The following DCC variants were observed in gnomAD, a reference collection of about 807,000 sequenced individuals.
DCC encodes netrin receptor DCC.
A neutral mutation model predicts 172.5 loss-of-function variants in DCC; 58 were observed. That is an observed-to-expected ratio of 0.34 (90% CI 0.27 to 0.42). DCC has a LOEUF of 0.42. Among genes scored for constraint, DCC ranks in the 10% least tolerant of loss-of-function variants. The pLI, the probability that DCC is intolerant of heterozygous loss-of-function variation, is 1.00. For missense variants in DCC, 1,740 were observed against 1,791.0 expected (o/e 0.97, Z 0.51); for synonymous variants, 709 against 644.5 (o/e 1.10, Z -1.52).
At chr18:52,490,118 C>T (rs1204473257) in intron 1 of DCC, among the ~76,000 whole-genome samples, 2 of 152,040 alleles carry the variant, frequency 1.3e-5, no homozygotes, top group South Asian at 4.1e-4. Context: ...GTTAGTAAAG[C>T]ATAAATCATG....
intron 12 of DCC, among the ~76,000 whole-genome samples, chr18:53,261,797 C>T (rs1179517695): frequency 6.6e-6 from 1 of 152,136 alleles, no homozygotes; most frequent in East Asian, 1.9e-4. Flanking sequence ...CTGCGACCGG[C>T]CATTTATGAA....
At chr18:52,864,865 T>C (rs1568154453) in intron 2 of DCC, among the ~76,000 whole-genome samples, 1 of 152,194 alleles carries the variant, frequency 6.6e-6, no homozygotes, top group Admixed American at 6.5e-5. Flanking sequence ...ACTCATCCTT[T>C]TTTTATTTTA....
At chr18:53,023,889 A>G (rs910416783) in intron 5 of DCC, among the ~76,000 whole-genome samples, 14 of 152,114 alleles carry the variant, frequency 9.2e-5, no homozygotes, top group African/African-American at 3.4e-4. Context: ...GATGCCCCAA[A>G]TTCCACTTGA....
intron 1 of DCC, among the ~76,000 whole-genome samples, chr18:52,456,580 G>T (rs573062905): frequency 6.6e-6 from 1 of 152,206 alleles, no homozygotes; most frequent in East Asian, 1.9e-4. Context: ...AAATAAATTT[G>T]ACTTTCATAT....
At chr18:53,083,686 A>C (rs773699826) in intron 7 of DCC, among the ~76,000 whole-genome samples, 1 of 152,196 alleles carries the variant, frequency 6.6e-6, no homozygotes, top group African/African-American at 2.4e-5. Context: ...TTTAGAGAGC[A>C]TCATGTGAAA....
intron 13 of DCC, among the ~76,000 whole-genome samples, chr18:53,318,894 T>C (rs1250428127): frequency 2.0e-5 from 3 of 151,908 alleles, no homozygotes; most frequent in Non-Finnish European, 4.4e-5. Context: ...GGGAAGCCCA[T>C]CAGACTAATA....
At chr18:52,425,507 A>T (rs1987393686) in intron 1 of DCC, among the ~76,000 whole-genome samples, 1 of 152,112 alleles carries the variant, frequency 6.6e-6, no homozygotes, top group African/African-American at 2.4e-5. Context: ...TGCTATCAGC[A>T]CGTTCTATGT....
Position 52,487,240 on chromosome 18 carries a change from T to G in DCC, c.91+146362T>G, listed in dbSNP as rs1318290830. Among the ~76,000 whole-genome samples the G allele has an allele frequency of 1.3e-5, 2 of 152,124 alleles. 1 individual carries two copies. Among genetic ancestry groups the G allele is most frequent in the South Asian group, 4.1e-4 (2 of 4,824 alleles). Reference sequence around the variant, plus strand: ...AATCAATAGTATCACAACCAGTGACTAAGAAATATAAAGGGCACCTCATTA... The same window carrying G: ...AATCAATAGTATCACAACCAGTGACGAAGAAATATAAAGGGCACCTCATTA... On this transcript the variant is annotated intron_variant, in intron 1 of 28. Transcript: ENST00000442544.
At chr18:53,516,455 C>G (rs1207271553) in intron 27 of DCC, among the ~76,000 whole-genome samples, 1 of 146,614 alleles carries the variant, frequency 6.8e-6, no homozygotes. Context: ...CAAATGGGAT[C>G]TAATTAAACT....
At chr18:52,398,185 A>G (rs547006814) in intron 1 of DCC, among the ~76,000 whole-genome samples, 1 of 152,090 alleles carries the variant, frequency 6.6e-6, no homozygotes, top group South Asian at 2.1e-4. Context: ...TTGTGGGTGG[A>G]GGATTTCACA....
intron 2 of DCC, among the ~76,000 whole-genome samples, chr18:52,804,192 C>A (rs924176398): frequency 6.6e-6 from 1 of 152,192 alleles, no homozygotes. Context: ...TTATATCTTA[C>A]CATGTGTCAC....
chr18:52,387,484 G>C (rs1308826378), intron 1 of DCC, among the ~76,000 whole-genome samples: 1 of 152,082 alleles, frequency 6.6e-6, no homozygotes, highest in African/African-American at 2.4e-5. Flanking sequence ...TATGTGTTTG[G>C]ACAGAGCTAC....
chr18:52,644,374 C>T (rs543955302), intron 1 of DCC, among the ~76,000 whole-genome samples: 7 of 152,110 alleles, frequency 4.6e-5, no homozygotes, highest in South Asian at 2.1e-4. Context: ...GTCAGGAGAT[C>T]GAGACCATCC....
At chr18:52,764,844 C>G (rs2037218318) in intron 2 of DCC, among the ~76,000 whole-genome samples, 1 of 152,118 alleles carries the variant, frequency 6.6e-6, no homozygotes, top group South Asian at 2.1e-4. Flanking sequence ...AGATATCACT[C>G]CATGAACTAT....
intron 1 of DCC, among the ~76,000 whole-genome samples, chr18:52,411,679 C>T (rs1173670019): frequency 3.3e-5 from 5 of 152,156 alleles, no homozygotes; most frequent in African/African-American, 1.2e-4. Context: ...GTCAGACTGC[C>T]TAGTTTTGAA....
Position 53,082,755 on chromosome 18 carries a change from G to C in DCC, c.1261+16589G>C, listed in dbSNP as rs530546018. ...TATAAATCTGTTTTATTTTCCTTCA[G>C]AAAACACACATGCTAACTTTATTAT... is the stretch of plus-strand genomic sequence containing the variant. On this transcript the variant is annotated intron_variant, in intron 7 of 28. Coordinates refer to ENST00000442544, the MANE Select transcript of DCC (RefSeq NM_005215.4). 1.9e-4 allele frequency among the ~76,000 whole-genome samples: 29 copies of C among 152,092 alleles called. No homozygotes were observed. The East Asian group carries it at 5.6e-3, about 29-fold the overall frequency.
chr18:53,496,569 C>G (rs2046026248), intron 26 of DCC, among the ~76,000 whole-genome samples: 1 of 152,208 alleles, frequency 6.6e-6, no homozygotes, highest in Admixed American at 6.5e-5. Context: ...AGGATCACAA[C>G]TCCTCACCAG....
intron 7 of DCC, among the ~76,000 whole-genome samples, chr18:53,090,284 C>T (rs1309937466): frequency 6.6e-6 from 1 of 152,052 alleles, no homozygotes; most frequent in African/African-American, 2.4e-5. Flanking sequence ...TCTAACAGTC[C>T]ATGAGGCCAG....
intron 1 of DCC, among the ~76,000 whole-genome samples, chr18:52,535,250 GTA>G: frequency 6.6e-6 from 1 of 152,158 alleles, no homozygotes; most frequent in East Asian, 1.9e-4. Flanking sequence ...CACTTTCTGG[GTA>G]TATTGGTGCC....
Sources: gnomAD v4.1 joint callset for allele counts (sites outside exome capture counted in the v4.1 genomes callset) on GRCh38, gnomAD v4.1.1 for gene constraint, MANE v1.5 for transcripts, NCBI Gene and HGNC (gene_info 2026-07-23, HGNC 2026-07-21) for gene names.